The following PRCD variants were observed in gnomAD, a reference collection of about 807,000 sequenced individuals.
PRCD encodes photoreceptor disk component PRCD.
In PRCD, 12 loss-of-function variants were observed where a neutral mutation model predicts 10.1. The ratio of observed to expected loss-of-function variants is 1.18; its 90% CI spans 0.76 to 1.92. The LOEUF (loss-of-function observed/expected upper bound fraction) is 1.92, where lower values mean the gene tolerates loss of function less well. Ranked by LOEUF, PRCD falls within the 40% of genes most tolerant of loss-of-function variation. The pLI is 0.00. For missense variants in PRCD, 61 were observed against 72.2 expected, an observed-to-expected ratio of 0.84 and a Z score of 0.56; for synonymous variants, 31 against 26.2, an observed-to-expected ratio of 1.18 and a Z score of -0.56.
chr17:76,531,432 G>C lies in PRCD; in HGVS notation n.45+3599G>C. 6.3e-7 allele frequency: 1 copy of C among 1,592,822 alleles called. No homozygotes were observed. Among genetic ancestry groups the C allele is most frequent in the African/African-American group, 1.3e-5 (1 of 74,712 alleles). On this transcript the variant is annotated intron_variant and non_coding_transcript_variant, in intron 1 of 4. Coordinates refer to the PRCD transcript ENST00000397633. This position sits in a 1 kb window ranked among gnomAD's most constrained non-coding sequence, Gnocchi z 7.4. The stretch of plus-strand genomic sequence containing the variant: ...GATGGCCATGACGCGTGGGCGGTGG[G>C]GGCTCTGCAGCAGATGGGGGCGCAT...
chr17:76,531,372 G>A lies in PRCD; in HGVS notation n.45+3539G>A. 6.8e-7 allele frequency: 1 copy of A among 1,479,320 alleles called. No individual in the cohort carries two copies. Among genetic ancestry groups the A allele is most frequent in the Non-Finnish European group, 9.2e-7 (1 of 1,083,624 alleles). The allele number at this position is 1,479,320 out of a possible 1,614,324, so 91.6% of individuals were successfully genotyped here. On this transcript the variant is annotated intron_variant and non_coding_transcript_variant, in intron 1 of 4. Transcript: ENST00000397633. The surrounding 1 kb of genome is among the most constrained non-coding windows in gnomAD (Gnocchi z 7.4). ...AGCCACTCCGGGGATCACCTCTGTT[G>A]CTCCAGAGAGCCGTCGCAGAGCCTG...
downstream of PRCD, among the ~76,000 whole-genome samples, chr17:76,549,695 G>A (rs1234517356): frequency 1.3e-5 from 2 of 152,238 alleles, no homozygotes; most frequent in African/African-American, 2.4e-5. Flanking sequence ...CGTGGGAACA[G>A]ATAAACACAC....
At chr17:76,537,371 A>C (rs2074929769), upstream of PRCD, 1 of 1,567,420 alleles carries the variant, frequency 6.4e-7, no homozygotes, top group African/African-American at 1.4e-5. Flanking sequence ...CTCCCTGCCC[A>C]GGGCCCGGCC....
At position 76,530,880 on chromosome 17, in the gene PRCD, G is replaced by C. The variant is rs1392203814; in HGVS notation, n.45+3047G>C. The C allele has an allele frequency of 7.3e-7, 1 of 1,368,188 alleles. No individual in the cohort carries two copies. The allele number at this position is 1,368,188 out of a possible 1,614,324, so 84.8% of individuals were successfully genotyped here. A position where few individuals can be genotyped will look rare whatever the true frequency, so the allele number is the denominator to read the frequency against. On this transcript the variant is annotated intron_variant and non_coding_transcript_variant, in intron 1 of 4. Transcript: ENST00000397633. This position sits in a 1 kb window ranked among gnomAD's most constrained non-coding sequence, Gnocchi z 6.1. Reference sequence around the variant, plus strand: ...GGCCTGCCTCAAGTGTGCCTGCCCAGGTGATCAGCCCCAGGGCCTCAGGAG... The same window carrying C: ...GGCCTGCCTCAAGTGTGCCTGCCCACGTGATCAGCCCCAGGGCCTCAGGAG...
downstream of PRCD, among the ~76,000 whole-genome samples, chr17:76,548,219 AT>A (rs2075074731): frequency 3.9e-5 from 6 of 152,196 alleles, no homozygotes; most frequent in Admixed American, 2.0e-4. Flanking sequence ...ATATACACTT[AT>A]AGACACACAT....
chr17:76,535,470 A>G (rs1598206660), upstream of PRCD, among the ~76,000 whole-genome samples: 2 of 152,028 alleles, frequency 1.3e-5, no homozygotes, highest in African/African-American at 4.8e-5. Context: ...AGGAGGAGAG[A>G]AAAAGGAAAG....
Position 76,543,812 on chromosome 17 carries a change from C to T in PRCD, c.*162C>T. On this transcript the variant is annotated 3_prime_UTR_variant, in exon 5 of 5. Coordinates refer to ENST00000592014, the MANE Select transcript of PRCD (RefSeq NM_001077620.3). ...ATTTGCCTTTCCCCAGTTCCCAGAGCTCATCCTGTCACTGGCTGCTCTGCT... is the reference window on the plus strand; with the variant it reads ...ATTTGCCTTTCCCCAGTTCCCAGAGTTCATCCTGTCACTGGCTGCTCTGCT... 2.1e-6 allele frequency: 1 copy of T among 471,072 alleles called. No homozygotes were observed. Among genetic ancestry groups the T allele is most frequent in the Non-Finnish European group, 4.4e-6 (1 of 227,072 alleles). 29.2% of individuals were successfully genotyped at this position (471,072 alleles called of 1,614,324 possible). A position where few individuals can be genotyped will look rare whatever the true frequency, so the allele number is the denominator to read the frequency against.
chr17:76,531,278 T>A lies in PRCD; in HGVS notation n.45+3445T>A. ...TCTGGCAGCTTTGGGAACCCCGTGC[T>A]CTCAGGACAAGGGTTGCCCTGGACC... On this transcript the variant is annotated intron_variant and non_coding_transcript_variant, in intron 1 of 4. Coordinates refer to the PRCD transcript ENST00000397633. The surrounding 1 kb of genome is among the most constrained non-coding windows in gnomAD (Gnocchi z 7.4). 1.6e-6 allele frequency: 2 copies of A among 1,222,910 alleles called. No individual in the cohort carries two copies. Among genetic ancestry groups the A allele is most frequent in the Non-Finnish European group, 2.3e-6 (2 of 878,528 alleles). The allele number at this position is 1,222,910 out of a possible 1,614,324, so 75.8% of individuals were successfully genotyped here. A position where few individuals can be genotyped will look rare whatever the true frequency, so the allele number is the denominator to read the frequency against.
intron 1 of PRCD, chr17:76,551,911 T>TGC (rs1555625796): frequency 2.0e-5 from 3 of 150,372 alleles, no homozygotes; most frequent in South Asian, 2.1e-4. Flanking sequence ...AATGGGAAGG[T>TGC]GGGGGGGTGG....
rs749136553 is a variant in PRCD, at chr17:76,540,751, C to T, written c.143+178C>T. 4.6e-5 allele frequency among the ~76,000 whole-genome samples: 7 copies of T among 152,196 alleles called. No homozygotes were observed. The highest frequency in any genetic ancestry group is 7.3e-5 in the Non-Finnish European group (5 of 68,036). ...GGGCAGGCTGGATGTCTGTTTTCTG[C>T]GGTTGGGAATGGGAACCCTCAGCTC... On this transcript the variant is annotated intron_variant, in intron 2 of 4. Transcript: ENST00000592014. The surrounding 1 kb of genome is among the most constrained non-coding windows in gnomAD (Gnocchi z 5.0).
downstream of PRCD, among the ~76,000 whole-genome samples, chr17:76,547,841 TCACA>T (rs144275867): frequency 5.7e-5 from 7 of 123,762 alleles, no homozygotes; most frequent in African/African-American, 4.1e-5. Flanking sequence ...CAACACACAT[TCACA>T]CACACACAGA....
At chr17:76,552,961 G>A (rs1385484023) in intron 1 of PRCD, 3 of 148,002 alleles carry the variant, frequency 2.0e-5, no homozygotes, top group Non-Finnish European at 3.0e-5. Context: ...ACATATATAT[G>A]TGTGTGTATA....
chr17:76,538,182 T>G, upstream of PRCD: 1 of 156,966 alleles, frequency 6.4e-6, no homozygotes, highest in Non-Finnish European at 1.4e-5. Context: ...AGCCCGCCCG[T>G]GGGGGCGAAC....
intron 1 of PRCD, among the ~76,000 whole-genome samples, chr17:76,534,807 G>T (rs1235089177): frequency 1.6e-4 from 25 of 152,182 alleles, no homozygotes; most frequent in Admixed American, 1.6e-3. Context: ...CCGGGTTGTG[G>T]CCCTGAGGAA....
chr17:76,528,088 G>A lies in PRCD; in HGVS notation n.45+255G>A, dbSNP rs1267753598. 9 of 372,060 alleles carry A rather than the reference G, an allele frequency of 2.4e-5. No homozygotes were observed. Among genetic ancestry groups the A allele is most frequent in the East Asian group, 2.2e-4 (4 of 18,500 alleles). 23.0% of individuals were successfully genotyped at this position (372,060 alleles called of 1,614,324 possible). On this transcript the variant is annotated intron_variant and non_coding_transcript_variant, in intron 1 of 4. Coordinates refer to the PRCD transcript ENST00000397633. The surrounding 1 kb of genome is among the most constrained non-coding windows in gnomAD (Gnocchi z 5.8). ...GTGGGCCAAACCGAGGCTTCTGGGC[G>A]CCGCGGATACACATTCTAGATATGT...
At position 76,530,884 on chromosome 17, in the gene PRCD, A is replaced by G. The variant is rs2143078907; in HGVS notation, n.45+3051A>G. 1 of 1,369,468 alleles carries G rather than the reference A, an allele frequency of 7.3e-7. No homozygotes were observed. The highest frequency in any genetic ancestry group is 9.8e-7 in the Non-Finnish European group (1 of 1,023,544). The allele number at this position is 1,369,468 out of a possible 1,614,324, so 84.8% of individuals were successfully genotyped here. On this transcript the variant is annotated intron_variant and non_coding_transcript_variant, in intron 1 of 4. Transcript: ENST00000397633. This position sits in a 1 kb window ranked among gnomAD's most constrained non-coding sequence, Gnocchi z 6.1. ...TGCCTCAAGTGTGCCTGCCCAGGTG[A>G]TCAGCCCCAGGGCCTCAGGAGATAT...
rs745916069 is a variant in PRCD at position 76,542,631 on chromosome 17, C to G, written c.*57C>G. 49 of 1,600,298 alleles carry G rather than the reference C, an allele frequency of 3.1e-5. No individual in the cohort carries two copies. The highest frequency in any genetic ancestry group is 3.9e-5 in the Non-Finnish European group (46 of 1,167,628). ...AGAGACTGGGATCAGCTGGCTCAGG[C>G]AGGTAGGGCAGGGCTGGGAGCCGGG... is the stretch of plus-strand genomic sequence containing the variant. On this transcript the variant is annotated splice_region_variant and 3_prime_UTR_variant, in exon 3 of 5. Coordinates refer to ENST00000592014, the MANE Select transcript of PRCD (RefSeq NM_001077620.3).
chr17:76,536,127 T>C (rs1003137624), upstream of PRCD, among the ~76,000 whole-genome samples: 3 of 152,184 alleles, frequency 2.0e-5, no homozygotes, highest in Non-Finnish European at 4.4e-5. Flanking sequence ...TTCCTGCCAC[T>C]CCCGACTGTG....
chr17:76,538,165 G>T (rs1240873552), upstream of PRCD: 1 of 158,144 alleles, frequency 6.3e-6, no homozygotes, highest in Admixed American at 6.5e-5. Context: ...CGGCGAGGCC[G>T]ACCGCCAGCC....
Sources: allele counts gnomAD v4.1 joint callset (sites outside exome capture counted in the v4.1 genomes callset), GRCh38; gene constraint gnomAD v4.1.1; non-coding constraint Gnocchi (gnomAD v3.1); transcripts MANE v1.5; gene names NCBI Gene and HGNC (gene_info 2026-07-23, HGNC 2026-07-21).